Variants in PTPRT observed in about 807,000 individuals in gnomAD.
PTPRT encodes the protein protein tyrosine phosphatase receptor type T.
PTPRT carries 56 observed loss-of-function variants against 176.8 expected under a neutral mutation model. That is an observed-to-expected ratio of 0.32 (90% CI 0.26 to 0.40). The LOEUF is 0.40. Among genes scored for constraint, PTPRT ranks in the 10% least tolerant of loss-of-function variants. The probability of loss-of-function intolerance (pLI) is 1.00; values close to 1 mark genes in which losing one functional copy is unlikely to be tolerated. For missense variants in PTPRT, 1,540 were observed against 1,908.2 expected, an observed-to-expected ratio of 0.81 and a Z score of 3.60; for synonymous variants, 783 against 739.0, an observed-to-expected ratio of 1.06 and a Z score of -0.96.
rs909289757 is a variant in PTPRT at position 42,663,682 on chromosome 20, T to C, written c.1153+14184A>G. 2.6e-5 allele frequency among the ~76,000 whole-genome samples: 4 copies of C among 152,182 alleles called. No homozygotes were observed. In the East Asian group the frequency reaches 7.7e-4, roughly 29 times the overall value. ...CCAGCTGATATGCGGTCTGTGTATT[T>C]ATATTTCACAAAACTGACACAGTAA... On this transcript the variant is annotated intron_variant, in intron 7 of 30. Transcript: ENST00000373187.
chr20:43,032,039 A>T (rs1986158807), intron 1 of PTPRT, among the ~76,000 whole-genome samples: 1 of 152,200 alleles, frequency 6.6e-6, no homozygotes, highest in Admixed American at 6.5e-5. Flanking sequence ...AGAAATCATC[A>T]CAGGCACCAC....
chr20:42,927,716 A>G (rs1979578160), intron 1 of PTPRT, among the ~76,000 whole-genome samples: 1 of 152,206 alleles, frequency 6.6e-6, no homozygotes, highest in African/African-American at 2.4e-5. Flanking sequence ...CACCATCAGC[A>G]TGCAAGTCCA....
intron 7 of PTPRT, among the ~76,000 whole-genome samples, chr20:42,622,163 G>A (rs766701526): frequency 3.9e-5 from 6 of 152,138 alleles, no homozygotes; most frequent in Non-Finnish European, 8.8e-5. Context: ...TATGGAGACT[G>A]CCTACTGAAA....
chr20:42,395,893 C>G (rs1266409357), intron 9 of PTPRT, among the ~76,000 whole-genome samples: 2 of 152,082 alleles, frequency 1.3e-5, no homozygotes, highest in African/African-American at 4.8e-5. Flanking sequence ...CTTAAAAATC[C>G]AAGGGTCCCA....
intron 1 of PTPRT, among the ~76,000 whole-genome samples, chr20:42,901,874 A>G (rs891826214): frequency 1.4e-4 from 21 of 152,244 alleles, no homozygotes; most frequent in African/African-American, 5.1e-4. Flanking sequence ...TTGTGTAAAT[A>G]AAGTTTTATT....
At chr20:42,832,922 A>G (rs992598161) in intron 2 of PTPRT, among the ~76,000 whole-genome samples, 8 of 151,818 alleles carry the variant, frequency 5.3e-5, no homozygotes, top group African/African-American at 1.9e-4. Flanking sequence ...TGGGCAATAA[A>G]AAACTGTGTC....
intron 4 of PTPRT, among the ~76,000 whole-genome samples, chr20:42,777,806 C>G (rs999210518): frequency 6.6e-6 from 1 of 152,186 alleles, no homozygotes; most frequent in Admixed American, 6.5e-5. Flanking sequence ...GATTCGTGAG[C>G]TGTGGATATA....
At chr20:42,269,829 T>C (rs1022975360) in intron 13 of PTPRT, among the ~76,000 whole-genome samples, 3 of 152,208 alleles carry the variant, frequency 2.0e-5, no homozygotes, top group Non-Finnish European at 2.9e-5. Flanking sequence ...GATCATGGTA[T>C]GGGTAAATTG....
rs373284617 is a variant in PTPRT at position 42,617,453 on chromosome 20, T to G, written c.1153+60413A>C. Reference sequence around the variant, plus strand: ...TGGTATCAGAATGATGCTGGCCTCATAAAATGAGTTAGGGAGGATTCCCTC... The same window carrying G: ...TGGTATCAGAATGATGCTGGCCTCAGAAAATGAGTTAGGGAGGATTCCCTC... On this transcript the variant is annotated intron_variant, in intron 7 of 30. Transcript: ENST00000373187. Among the ~76,000 whole-genome samples the G allele has an allele frequency of 2.2e-3, 294 of 132,888 alleles. 17 individuals carry two copies. Among genetic ancestry groups the G allele is most frequent in the East Asian group, 0.014 (70 of 5,098 alleles). 87.2% of individuals were successfully genotyped at this position (132,888 alleles called of 152,430 possible).
chr20:42,532,798 C>T (rs1262608821), intron 7 of PTPRT, among the ~76,000 whole-genome samples: 1 of 152,144 alleles, frequency 6.6e-6, no homozygotes, highest in East Asian at 1.9e-4. Context: ...CTTGACCAGT[C>T]ATGGGCTCCA....
intron 13 of PTPRT, among the ~76,000 whole-genome samples, chr20:42,276,496 AATATATATATAT>A (rs61484693): frequency 1.5e-3 from 68 of 44,138 alleles, no homozygotes; most frequent in Non-Finnish European, 2.0e-3. Context: ...GAAAGAAGGA[AATATATATATAT>A]ATATATATAT....
intron 7 of PTPRT, among the ~76,000 whole-genome samples, chr20:42,638,444 G>C (rs1456054441): frequency 6.6e-6 from 1 of 152,050 alleles, no homozygotes; most frequent in Non-Finnish European, 1.5e-5. Flanking sequence ...TGGGGAAACT[G>C]ATCCTAATCT....
At chr20:43,117,889 G>C (rs2013117414) in intron 1 of PTPRT, among the ~76,000 whole-genome samples, 2 of 152,120 alleles carry the variant, frequency 1.3e-5, no homozygotes, top group Non-Finnish European at 2.9e-5. Context: ...AAAGTGTAAG[G>C]CTTAAATCTT....
At position 42,073,142 on chromosome 20, in the gene PTPRT, A is replaced by G. The variant is rs900769586; in HGVS notation, c.*7737T>C. ...AGTGTGGAGACTTTGGTCTCATGCA[A>G]TATTATATGCCCAGTGGATGTGAAG... On this transcript the variant is annotated 3_prime_UTR_variant, in exon 31 of 31. Coordinates refer to ENST00000373187, the MANE Select transcript of PTPRT (RefSeq NM_007050.6). 1 of 201,140 alleles carries G rather than the reference A, an allele frequency of 5.0e-6. No individual in the cohort carries two copies. Among genetic ancestry groups the G allele is most frequent in the East Asian group, 7.7e-5 (1 of 13,054 alleles). 12.5% of individuals were successfully genotyped at this position (201,140 alleles called of 1,614,324 possible). A position where few individuals can be genotyped will look rare whatever the true frequency, so the allele number is the denominator to read the frequency against.
chr20:42,066,659 C>T, the PTPRT span, among the ~76,000 whole-genome samples: 399 of 152,284 alleles, frequency 2.6e-3, 2 homozygotes, highest in African/African-American at 9.3e-3. Context: ...CTTAACAAAA[C>T]TTTCTTCTCT....
chr20:42,272,725 A>G (rs59558213), intron 13 of PTPRT, among the ~76,000 whole-genome samples: 9,068 of 144,056 alleles, frequency 0.063, 631 homozygotes, highest in African/African-American at 0.18. Flanking sequence ...GTGCGCGCAC[A>G]CACACACACA....
intron 1 of PTPRT, among the ~76,000 whole-genome samples, chr20:43,017,606 C>A (rs967683605): frequency 6.6e-6 from 1 of 152,204 alleles, no homozygotes; most frequent in Non-Finnish European, 1.5e-5. Flanking sequence ...GTGGCCATCC[C>A]GTCAAGCCTG....
At chr20:43,166,817 G>T (rs1275256992) in intron 1 of PTPRT, among the ~76,000 whole-genome samples, 1 of 152,140 alleles carries the variant, frequency 6.6e-6, no homozygotes, top group Non-Finnish European at 1.5e-5. Flanking sequence ...TTCAACACCG[G>T]GGTTATAAAT....
chr20:42,571,192 T>G (rs779567686), intron 7 of PTPRT, among the ~76,000 whole-genome samples: 1 of 152,226 alleles, frequency 6.6e-6, no homozygotes, highest in East Asian at 1.9e-4. Flanking sequence ...TGAACAATGA[T>G]GAACAAATAA....
Sources: gnomAD v4.1 joint callset for allele counts (sites outside exome capture counted in the v4.1 genomes callset) on GRCh38, gnomAD v4.1.1 for gene constraint, MANE v1.5 for transcripts, NCBI Gene and HGNC (gene_info 2026-07-23, HGNC 2026-07-21) for gene names.